Variants in PLXNA4 observed in about 807,000 individuals in gnomAD.
The protein encoded by PLXNA4 is plexin-A4.
A neutral mutation model predicts 191.8 loss-of-function variants in PLXNA4; 44 were observed. The observed-to-expected ratio is 0.23, with a 90% CI of 0.18 to 0.29. The LOEUF (loss-of-function observed/expected upper bound fraction) is 0.29, where lower values mean the gene tolerates loss of function less well. Among genes scored for constraint, PLXNA4 ranks in the 10% least tolerant of loss-of-function variants. PLXNA4 has a pLI of 1.00. For synonymous variants in PLXNA4, 1,082 were observed against 1,009.5 expected, an observed-to-expected ratio of 1.07 and a Z score of -1.36; for missense variants, 1,800 against 2,488.8, an observed-to-expected ratio of 0.72 and a Z score of 5.89.
intron 25 of PLXNA4, among the ~76,000 whole-genome samples, chr7:132,154,698 G>A (rs545012787): frequency 2.6e-5 from 4 of 152,316 alleles, no homozygotes; most frequent in African/African-American, 9.6e-5. Flanking sequence ...AGTGTGGTGG[G>A]TCAAAGAAGA....
intron 30 of PLXNA4, among the ~76,000 whole-genome samples, chr7:132,134,028 T>A (rs1795045087): frequency 6.6e-6 from 1 of 152,242 alleles, no homozygotes; most frequent in South Asian, 2.1e-4. Flanking sequence ...TCCCTGTGGC[T>A]GCCATGCTGG....
At chr7:132,642,804 A>C (rs1803769344) in intron 2 of PLXNA4, among the ~76,000 whole-genome samples, 1 of 152,210 alleles carries the variant, frequency 6.6e-6, no homozygotes, top group Non-Finnish European at 1.5e-5. Context: ...TTCCAAAAAA[A>C]ACCAACATGG....
At chr7:132,212,715 A>T (rs1023956661) in intron 9 of PLXNA4, among the ~76,000 whole-genome samples, 2 of 152,202 alleles carry the variant, frequency 1.3e-5, no homozygotes, top group Admixed American at 1.3e-4. Context: ...AAGGGAAGCT[A>T]GGAGACAGAG....
chr7:132,376,259 A>T (rs1804654103), intron 3 of PLXNA4, among the ~76,000 whole-genome samples: 1 of 152,194 alleles, frequency 6.6e-6, no homozygotes, highest in Non-Finnish European at 1.5e-5. Flanking sequence ...TGGAGTTCAC[A>T]TGCTAAGGGG....
rs192937352 is a variant in PLXNA4 at position 132,540,008 on chromosome 7, G to A, written c.-86-31229C>T. ...TCCTCTGGGGCCATTTCCCTTCCCC[G>A]TGGGCATCTAGAAATGTATGGAGGC... On this transcript the variant is annotated intron_variant, in intron 1 of 31. Coordinates refer to ENST00000321063, the MANE Select transcript of PLXNA4 (RefSeq NM_020911.2). Among the ~76,000 whole-genome samples the A allele has an allele frequency of 2.4e-3, 367 of 152,218 alleles. 2 individuals carry two copies. The highest frequency in any genetic ancestry group is 3.0e-3 in the Non-Finnish European group (204 of 68,004).
chr7:132,286,391 G>C (rs572176115), intron 4 of PLXNA4, among the ~76,000 whole-genome samples: 1 of 152,316 alleles, frequency 6.6e-6, no homozygotes. Flanking sequence ...TTTAAAAATG[G>C]CACTTAGAGT....
chr7:132,156,135 TACACACACACACACAC>T (rs57153762), intron 25 of PLXNA4, among the ~76,000 whole-genome samples: 42 of 133,100 alleles, frequency 3.2e-4, no homozygotes, highest in East Asian at 8.8e-4. Flanking sequence ...TTTCTGGACA[TACACACACACACACAC>T]ACACACACAC....
chr7:132,256,672 G>A (rs1251506486), intron 4 of PLXNA4, among the ~76,000 whole-genome samples: 6 of 152,310 alleles, frequency 3.9e-5, no homozygotes, highest in Non-Finnish European at 7.4e-5. Flanking sequence ...GCTCTGAGCA[G>A]CAAAATCAAA....
chr7:132,342,772 T>G (rs1369996777), intron 3 of PLXNA4, among the ~76,000 whole-genome samples: 1 of 151,644 alleles, frequency 6.6e-6, no homozygotes, highest in Non-Finnish European at 1.5e-5. Context: ...CATGGCGAAA[T>G]CCCATCTCTA....
chr7:132,608,344 C>T (rs1303121069), intron 2 of PLXNA4, among the ~76,000 whole-genome samples: 1 of 152,128 alleles, frequency 6.6e-6, no homozygotes, highest in Non-Finnish European at 1.5e-5. Flanking sequence ...ATGAATAGTT[C>T]ATTCATTTAT....
intron 5 of PLXNA4, among the ~76,000 whole-genome samples, chr7:132,232,368 T>A (rs73501737): frequency 6.6e-6 from 1 of 152,120 alleles, no homozygotes; most frequent in African/African-American, 2.4e-5. Flanking sequence ...ACTGTGTGAC[T>A]TGGAGTTTTC....
At chr7:132,230,939 G>A (rs775264605) in intron 5 of PLXNA4, among the ~76,000 whole-genome samples, 1 of 152,156 alleles carries the variant, frequency 6.6e-6, no homozygotes, top group African/African-American at 2.4e-5. Context: ...TCTCTTCCAG[G>A]GGTAGGGAGG....
At chr7:132,298,550 C>A (rs1195985948) in intron 3 of PLXNA4, among the ~76,000 whole-genome samples, 3 of 152,212 alleles carry the variant, frequency 2.0e-5, no homozygotes, top group African/African-American at 7.2e-5. Flanking sequence ...CTTGGAGGAA[C>A]AACATGTAAT....
rs1333821774 is a variant in PLXNA4, at chr7:132,179,704, G to A, written c.3857C>T (p.Ala1286Val). The change falls in exon 20 of 32, where the codon GCC becomes GTC. Residue 1286 changes from alanine (A) to valine (V), a missense_variant. Ala to Val is a moderately conservative substitution (Grantham distance 64, BLOSUM62 0). Around this residue, in one of 6 missense-constraint regions of PLXNA4, gnomAD observed 1,397 missense variants for 1,880.4 expected, o/e 0.74. Coordinates refer to ENST00000321063, the MANE Select transcript of PLXNA4 (RefSeq NM_020911.2). ...CTCAGTACCTTCCTTGCACTCCAGG[G>A]CCACACGGGACTCCAGGTTGTCCAT... Reference protein sequence around the residue: ...MQMDNLESRVALECKEAFAEL... With the variant: ...MQMDNLESRVVLECKEAFAEL... 1 of 1,613,736 alleles carries A rather than the reference G, an allele frequency of 6.2e-7. No homozygotes were observed. Among genetic ancestry groups the A allele is most frequent in the Admixed American group, 1.7e-5 (1 of 60,016 alleles).
chr7:132,259,934 C>T (rs950453252), intron 4 of PLXNA4, among the ~76,000 whole-genome samples: 5 of 152,106 alleles, frequency 3.3e-5, no homozygotes, highest in African/African-American at 1.2e-4. Flanking sequence ...ACTATGGAGA[C>T]ACTAGAAAGA....
intron 24 of PLXNA4, among the ~76,000 whole-genome samples, chr7:132,162,108 C>CTAAA: frequency 6.6e-6 from 1 of 152,340 alleles, no homozygotes; most frequent in East Asian, 1.9e-4. Flanking sequence ...AGGTCCATAG[C>CTAAA]ACTCTGGGCT....
At chr7:132,147,168 C>T (rs967736176) in intron 27 of PLXNA4, among the ~76,000 whole-genome samples, 9 of 152,162 alleles carry the variant, frequency 5.9e-5, no homozygotes, top group Non-Finnish European at 7.3e-5. Flanking sequence ...CTCTGGCCTG[C>T]GCCAATTATT....
At chr7:132,424,597 C>A (rs1158151847) in intron 3 of PLXNA4, among the ~76,000 whole-genome samples, 1 of 152,164 alleles carries the variant, frequency 6.6e-6, no homozygotes, top group Non-Finnish European at 1.5e-5. Flanking sequence ...TGCCCCTCCC[C>A]CATGTGAGGA....
chr7:132,575,305 A>G (rs1802175355), intron 1 of PLXNA4, among the ~76,000 whole-genome samples: 1 of 152,222 alleles, frequency 6.6e-6, no homozygotes, highest in Non-Finnish European at 1.5e-5. Flanking sequence ...TTCGGGAAAT[A>G]GGACCTTAAA....
Sources: gnomAD v4.1 joint callset for allele counts (sites outside exome capture counted in the v4.1 genomes callset) on GRCh38, gnomAD v4.1.1 for gene constraint, gnomAD v4.1.1 regional missense constraint, MANE v1.5 for transcripts, NCBI Gene and HGNC (gene_info 2026-07-23, HGNC 2026-07-21) for gene names.